Variants in SDC2 observed in about 807,000 individuals in gnomAD.
The protein encoded by SDC2 is syndecan 2.
In SDC2, 13 loss-of-function variants were observed where a neutral mutation model predicts 22.2. The ratio of observed to expected loss-of-function variants is 0.59; its 90% CI spans 0.38 to 0.93. The LOEUF is 0.93. Among genes scored for constraint, SDC2 ranks in the 40% least tolerant of loss-of-function variants. The pLI is 0.00. For missense variants in SDC2, 235 were observed against 246.8 expected (o/e 0.95, Z 0.32); for synonymous variants, 94 against 92.8 (o/e 1.01, Z -0.07).
At chr8:96,504,174 A>G (rs1025881077) in intron 1 of SDC2, among the ~76,000 whole-genome samples, 39 of 152,262 alleles carry the variant, frequency 2.6e-4, no homozygotes, top group Non-Finnish European at 5.9e-5. Context: ...AACTGAAGGC[A>G]TATTATATTT....
At chr8:96,561,770 C>T (rs1027415610) in intron 1 of SDC2, among the ~76,000 whole-genome samples, 4 of 152,134 alleles carry the variant, frequency 2.6e-5, no homozygotes, top group African/African-American at 9.7e-5. Context: ...GAACAAAACT[C>T]AGAGGTGCTG....
intron 1 of SDC2, among the ~76,000 whole-genome samples, chr8:96,568,035 T>C (rs2130576237): frequency 6.6e-6 from 1 of 152,378 alleles, no homozygotes; most frequent in East Asian, 1.9e-4. Flanking sequence ...AATTACTGGC[T>C]CTTTACCCTA....
At chr8:96,520,138 C>A (rs1418089872) in intron 1 of SDC2, among the ~76,000 whole-genome samples, 1 of 152,188 alleles carries the variant, frequency 6.6e-6, no homozygotes, top group Non-Finnish European at 1.5e-5. Flanking sequence ...GCCAATGAAA[C>A]TGTAGTGACA....
Position 96,608,477 on chromosome 8 carries a change from A to G in SDC2, c.442+7A>G, listed in dbSNP as rs747465455. ...CGGACAGAAGTCCTAGCAGGTGAGT[A>G]GCCTGGTGGGCCTCAGGTGGGAGGG... On this transcript the variant is annotated splice_region_variant and intron_variant, in intron 4 of 4. Transcript: ENST00000302190. 3 of 1,608,142 alleles carry G rather than the reference A, an allele frequency of 1.9e-6. No homozygotes were observed. Among genetic ancestry groups the G allele is most frequent in the Non-Finnish European group, 1.7e-6 (2 of 1,177,200 alleles).
rs902288920 is a variant in SDC2 at position 96,590,041 on chromosome 8, A to G, written c.61-3439A>G. Among the ~76,000 whole-genome samples the G allele has an allele frequency of 2.0e-5, 3 of 152,344 alleles. No individual in the cohort carries two copies. The South Asian group carries it at 6.2e-4, about 32-fold the overall frequency. ...ATCTATGGAGGCAGTGTAGTGCTTCAGTTTCCCTGGCTGAATGTGGCATTA... is the reference window on the plus strand; with the variant it reads ...ATCTATGGAGGCAGTGTAGTGCTTCGGTTTCCCTGGCTGAATGTGGCATTA... On this transcript the variant is annotated intron_variant, in intron 1 of 4. Transcript: ENST00000302190.
intron 3 of SDC2, among the ~76,000 whole-genome samples, chr8:96,603,203 A>T (rs1478853502): frequency 6.6e-6 from 1 of 152,214 alleles, no homozygotes; most frequent in East Asian, 1.9e-4. Context: ...CATGCATATT[A>T]AAGTCTGGCA....
At chr8:96,566,495 T>G (rs1242866078) in intron 1 of SDC2, among the ~76,000 whole-genome samples, 2 of 152,110 alleles carry the variant, frequency 1.3e-5, no homozygotes, top group African/African-American at 4.8e-5. Context: ...GAAATGTGGA[T>G]CATAACAAAT....
At chr8:96,554,726 C>T (rs1467306657) in intron 1 of SDC2, among the ~76,000 whole-genome samples, 4 of 152,194 alleles carry the variant, frequency 2.6e-5, no homozygotes. Context: ...TCTGCTTTCT[C>T]CTAGGTCACA....
intron 1 of SDC2, among the ~76,000 whole-genome samples, chr8:96,573,665 ATCCTTCTGGTTTGGCAC>A (rs1814440311): frequency 6.6e-6 from 1 of 151,810 alleles, no homozygotes; most frequent in Non-Finnish European, 1.5e-5. Flanking sequence ...TGGCTTTCTA[ATCCTTCTGGTTTGGCAC>A]TTCTTACACA....
In SDC2 at chr8:96,510,859, C is replaced by T. The variant is rs528513142; in HGVS notation, c.60+16528C>T. ...CAGAGAAAATGCAAATGTGAATTCTCTTCGTTCTCCCCGTTAGGAGTGTAT... is the reference window on the plus strand; with the variant it reads ...CAGAGAAAATGCAAATGTGAATTCTTTTCGTTCTCCCCGTTAGGAGTGTAT... On this transcript the variant is annotated intron_variant, in intron 1 of 4. Coordinates refer to ENST00000302190, the MANE Select transcript of SDC2 (RefSeq NM_002998.4). Among the ~76,000 whole-genome samples the T allele has an allele frequency of 2.6e-5, 4 of 152,276 alleles. No homozygotes were observed. The East Asian group carries it at 7.7e-4, about 29-fold the overall frequency.
At chr8:96,589,840 A>G (rs921466783) in intron 1 of SDC2, among the ~76,000 whole-genome samples, 2 of 152,346 alleles carry the variant, frequency 1.3e-5, no homozygotes, top group Non-Finnish European at 2.9e-5. Flanking sequence ...GGACGTGGGC[A>G]GTGACAAGGT....
chr8:96,539,916 A>G (rs963229130), intron 1 of SDC2, among the ~76,000 whole-genome samples: 15 of 152,174 alleles, frequency 9.9e-5, no homozygotes, highest in African/African-American at 3.6e-4. Flanking sequence ...CCTGACTTCC[A>G]TAACCACAGA....
rs571760733 is a variant in SDC2, at chr8:96,501,596, C to T, written c.60+7265C>T. 9.9e-5 allele frequency among the ~76,000 whole-genome samples: 15 copies of T among 152,134 alleles called. No homozygotes were observed. In the South Asian group the frequency reaches 3.1e-3, roughly 32 times the overall value. The stretch of plus-strand genomic sequence containing the variant: ...GTGCTGGGATTGCAGACGTGAGCCA[C>T]TGCAACCAGCTGAGTTAAGTATGTA... On this transcript the variant is annotated intron_variant, in intron 1 of 4. Coordinates refer to ENST00000302190, the MANE Select transcript of SDC2 (RefSeq NM_002998.4).
At chr8:96,582,661 A>G (rs892339554) in intron 1 of SDC2, among the ~76,000 whole-genome samples, 3 of 151,676 alleles carry the variant, frequency 2.0e-5, no homozygotes, top group Admixed American at 1.3e-4. Context: ...TGCCATTACA[A>G]ACAGGTGAGT....
In SDC2 at chr8:96,508,517, TGG is replaced by T. The variant is rs1813284045; in HGVS notation, c.60+14187_60+14188del. 1.3e-4 allele frequency among the ~76,000 whole-genome samples: 18 copies of T among 142,624 alleles called. 3 individuals carry two copies. Among genetic ancestry groups the T allele is most frequent in the Admixed American group, 9.0e-4 (13 of 14,438 alleles). The allele number at this position is 142,624 out of a possible 152,430, so 93.6% of individuals were successfully genotyped here. A position where few individuals can be genotyped will look rare whatever the true frequency, so the allele number is the denominator to read the frequency against. ...CAAAAAAAAGAAAAAAAAAGATTAT[TGG>T]TTTATAAATTTTATCATAACACAAA... On this transcript the variant is annotated intron_variant, in intron 1 of 4. Coordinates refer to ENST00000302190, the MANE Select transcript of SDC2 (RefSeq NM_002998.4).
At chr8:96,590,627 GT>G (rs1035698926) in intron 1 of SDC2, among the ~76,000 whole-genome samples, 4 of 151,444 alleles carry the variant, frequency 2.6e-5, no homozygotes, top group African/African-American at 4.8e-5. Context: ...GAGCGCAGGG[GT>G]TTTTTTTTAT....
At position 96,610,908 on chromosome 8, in the gene SDC2, A is replaced by G. The variant is rs929353064; in HGVS notation, c.*1360A>G. 1 of 152,656 alleles carries G rather than the reference A, an allele frequency of 6.6e-6. No individual in the cohort carries two copies. 9.5% of individuals were successfully genotyped at this position (152,656 alleles called of 1,614,324 possible). A position where few individuals can be genotyped will look rare whatever the true frequency, so the allele number is the denominator to read the frequency against. On this transcript the variant is annotated 3_prime_UTR_variant, in exon 5 of 5. Transcript: ENST00000302190. The stretch of plus-strand genomic sequence containing the variant: ...GGGGATTTCGAAGTTTGCAACCTTT[A>G]TAGGATAACTGATGGCAATATTAAG...
intron 2 of SDC2, among the ~76,000 whole-genome samples, chr8:96,598,301 A>G (rs1219072669): frequency 6.6e-6 from 1 of 152,164 alleles, no homozygotes; most frequent in Non-Finnish European, 1.5e-5. Flanking sequence ...CATTCATACC[A>G]TAAGTAAAAG....
intron 1 of SDC2, among the ~76,000 whole-genome samples, chr8:96,561,373 C>G (rs981662279): frequency 6.6e-6 from 1 of 152,108 alleles, no homozygotes; most frequent in African/African-American, 2.4e-5. Flanking sequence ...GAAGACAAAG[C>G]TGAGGGGAGG....
Sources: gnomAD v4.1 joint callset for allele counts (sites outside exome capture counted in the v4.1 genomes callset) on GRCh38, gnomAD v4.1.1 for gene constraint, MANE v1.5 for transcripts, NCBI Gene and HGNC (gene_info 2026-07-23, HGNC 2026-07-21) for gene names.